SNTG1: variants seen among roughly 807,000 people sequenced by gnomAD.
SNTG1 encodes the protein gamma-1-syntrophin.
A neutral mutation model predicts 74.7 loss-of-function variants in SNTG1; 39 were observed. The ratio of observed to expected loss-of-function variants is 0.52; its 90% CI spans 0.40 to 0.68. The LOEUF is 0.68. Among genes scored for constraint, SNTG1 ranks in the 30% least tolerant of loss-of-function variants. The pLI is 0.00. For missense variants in SNTG1, 685 were observed against 609.5 expected, an observed-to-expected ratio of 1.12 and a Z score of -1.30; for synonymous variants, 254 against 217.1, an observed-to-expected ratio of 1.17 and a Z score of -1.49.
rs71235311 is a variant in SNTG1, at chr8:50,601,152, CAAAAAAAAAAAAAAAAAAAA to C, written c.849+10248_849+10267del. On this transcript the variant is annotated intron_variant, in intron 13 of 18. Coordinates refer to ENST00000642720, the MANE Select transcript of SNTG1 (RefSeq NM_018967.5). ...CAGCCTGGTGACAGAGCCAGCGAGA[CAAAAAAAAAAAAAAAAAAAA>C]AAAAAAAAAAAAGACATGTTAGGCT... Among the ~76,000 whole-genome samples the C allele has an allele frequency of 1.9e-4, 6 of 31,438 alleles. No individual in the cohort carries two copies. In the East Asian group the frequency reaches 5.8e-3, roughly 30 times the overall value. 20.6% of individuals were successfully genotyped at this position (31,438 alleles called of 152,430 possible).
At chr8:50,241,984 G>A (rs1586816285) in intron 2 of SNTG1, among the ~76,000 whole-genome samples, 1 of 151,756 alleles carries the variant, frequency 6.6e-6, no homozygotes, top group East Asian at 1.9e-4. Context: ...GCTGATACTT[G>A]CTTCAAAATG....
intron 12 of SNTG1, among the ~76,000 whole-genome samples, chr8:50,561,693 C>T (rs1295572587): frequency 6.6e-6 from 1 of 152,016 alleles, no homozygotes; most frequent in East Asian, 1.9e-4. Context: ...TAAGGCCTGG[C>T]TATGAGGAAA....
chr8:50,183,328 C>T (rs2083273374), intron 2 of SNTG1, among the ~76,000 whole-genome samples: 2 of 152,266 alleles, frequency 1.3e-5, no homozygotes, highest in East Asian at 3.9e-4. Flanking sequence ...TGCTGCTTCC[C>T]TCTCAGCTAT....
chr8:50,362,358 C>T (rs981000085), intron 2 of SNTG1, among the ~76,000 whole-genome samples: 7 of 152,122 alleles, frequency 4.6e-5, no homozygotes, highest in African/African-American at 9.7e-5. Context: ...GTTCAATAAA[C>T]TAACGCTGTA....
chr8:50,513,370 C>A (rs1248221846), intron 9 of SNTG1, among the ~76,000 whole-genome samples: 2 of 152,192 alleles, frequency 1.3e-5, no homozygotes, highest in Non-Finnish European at 1.5e-5. Context: ...GACAGGGACC[C>A]ACTTGAGGAG....
intron 18 of SNTG1, among the ~76,000 whole-genome samples, chr8:50,779,766 A>T (rs564573465): frequency 0.11 from 13,864 of 131,646 alleles, 1,872 homozygotes; most frequent in African/African-American, 0.36. Flanking sequence ...GAGAGAGGGC[A>T]TCCTGTCTTG....
intron 1 of SNTG1, among the ~76,000 whole-genome samples, chr8:50,039,664 A>T (rs1563509507): frequency 6.6e-6 from 1 of 152,036 alleles, no homozygotes; most frequent in Non-Finnish European, 1.5e-5. Context: ...CCTATAGAGT[A>T]TATTCCCTAT....
At chr8:50,567,521 C>T (rs148266010) in intron 12 of SNTG1, among the ~76,000 whole-genome samples, 1 of 151,944 alleles carries the variant, frequency 6.6e-6, no homozygotes, top group African/African-American at 2.4e-5. Flanking sequence ...TATACATACA[C>T]ATATGTATAT....
intron 11 of SNTG1, among the ~76,000 whole-genome samples, chr8:50,541,124 T>G (rs929831839): frequency 6.6e-6 from 1 of 152,062 alleles, no homozygotes; most frequent in African/African-American, 2.4e-5. Context: ...TCACGTGCAC[T>G]TGTGGGAAAT....
At chr8:50,150,529 T>G (rs1404591191) in intron 1 of SNTG1, among the ~76,000 whole-genome samples, 1 of 152,138 alleles carries the variant, frequency 6.6e-6, no homozygotes, top group Non-Finnish European at 1.5e-5. Context: ...TGGCTGTGGG[T>G]TTGTCATAAA....
chr8:50,093,359 A>G (rs1032288074), intron 1 of SNTG1, among the ~76,000 whole-genome samples: 3 of 152,128 alleles, frequency 2.0e-5, no homozygotes, highest in African/African-American at 7.2e-5. Context: ...TAGCATGTTC[A>G]CAATCACATA....
At chr8:49,932,971 A>G (rs1807731249) in intron 1 of SNTG1, among the ~76,000 whole-genome samples, 1 of 115,458 alleles carries the variant, frequency 8.7e-6, no homozygotes, top group South Asian at 3.6e-4. Context: ...TCATAGATGT[A>G]TAATATTCCA....
intron 2 of SNTG1, among the ~76,000 whole-genome samples, chr8:50,369,518 C>A (rs562517075): frequency 1.4e-4 from 21 of 152,024 alleles, no homozygotes; most frequent in African/African-American, 5.1e-4. Context: ...ATCGCTTGAA[C>A]CCAGGAGGCA....
chr8:50,104,717 T>G (rs1048045729), intron 1 of SNTG1, among the ~76,000 whole-genome samples: 1 of 152,220 alleles, frequency 6.6e-6, no homozygotes, highest in Non-Finnish European at 1.5e-5. Context: ...TAAATTTCCC[T>G]CTACACACTG....
At chr8:50,327,893 C>T (rs529605433) in intron 2 of SNTG1, among the ~76,000 whole-genome samples, 100 of 152,238 alleles carry the variant, frequency 6.6e-4, no homozygotes, top group East Asian at 4.2e-3. Context: ...TCTAAAGCAA[C>T]TTCAAATAAC....
chr8:50,778,070 T>C (rs955792040), intron 18 of SNTG1, among the ~76,000 whole-genome samples: 2 of 152,210 alleles, frequency 1.3e-5, no homozygotes, highest in Admixed American at 1.3e-4. Context: ...CCATGGTGTA[T>C]ATGTGCCACA....
intron 1 of SNTG1, among the ~76,000 whole-genome samples, chr8:50,086,902 A>G (rs1386807873): frequency 6.6e-6 from 1 of 152,224 alleles, no homozygotes; most frequent in Non-Finnish European, 1.5e-5. Flanking sequence ...CAGCAGTGAA[A>G]TAAAGGTTTT....
intron 2 of SNTG1, among the ~76,000 whole-genome samples, chr8:50,334,556 G>T (rs1166036060): frequency 6.6e-6 from 1 of 151,094 alleles, no homozygotes; most frequent in Non-Finnish European, 1.5e-5. Context: ...CCAGTGTATG[G>T]TTTTCACTAC....
chr8:50,019,343 G>C (rs1040665327), intron 1 of SNTG1, among the ~76,000 whole-genome samples: 1 of 152,104 alleles, frequency 6.6e-6, no homozygotes, highest in East Asian at 1.9e-4. Flanking sequence ...GGTTTTCAGG[G>C]ACAGACTTAT....
Sources: gnomAD v4.1 joint callset for allele counts (sites outside exome capture counted in the v4.1 genomes callset) on GRCh38, gnomAD v4.1.1 for gene constraint, MANE v1.5 for transcripts, NCBI Gene and HGNC (gene_info 2026-07-23, HGNC 2026-07-21) for gene names.